The following ABCD4 variants were observed in gnomAD, a reference collection of about 807,000 sequenced individuals.
ABCD4 encodes the protein ATP binding cassette subfamily D member 4.
In ABCD4, 53 loss-of-function variants were observed where a neutral mutation model predicts 86.3. That is an observed-to-expected ratio of 0.61 (90% CI 0.49 to 0.77). The LOEUF (loss-of-function observed/expected upper bound fraction) is 0.77. Ranked by LOEUF, ABCD4 falls within the 30% of genes least tolerant of loss-of-function variation. ABCD4 has a pLI of 0.00. For missense variants in ABCD4, 757 were observed against 764.5 expected, an observed-to-expected ratio of 0.99 and a Z score of 0.12; for synonymous variants, 328 against 313.6, an observed-to-expected ratio of 1.05 and a Z score of -0.49.
chr14:74,290,112 A>G lies in ABCD4; in HGVS notation c.1334T>C (p.Val445Ala), dbSNP rs765071443. ...GGLWTSTRGS[V>A]QMLTDFGPHG... Reference sequence around the variant, plus strand: ...GGGCCCAAAGTCCGTCAGCATCTGCACTGAGCCTGCAGAGCCCACAGAAAC... The same window carrying G: ...GGGCCCAAAGTCCGTCAGCATCTGCGCTGAGCCTGCAGAGCCCACAGAAAC... The change falls in exon 13 of 19, where the codon GTG becomes GCG. Residue 445 changes from valine (V) to alanine (A), a missense_variant. Transcript: ENST00000356924. 6.2e-7 allele frequency: 1 copy of G among 1,614,156 alleles called. No homozygotes were observed. The highest frequency in any genetic ancestry group is 2.2e-5 in the East Asian group (1 of 44,876).
chr14:74,290,220 A>T, intron 12 of ABCD4, 71 bp downstream of exon 12: 6 of 1,611,360 alleles, frequency 3.7e-6, no homozygotes, highest in Non-Finnish European at 4.2e-6. Flanking sequence ...GGATTCTACC[A>T]CACCGTCCCC....
At chr14:74,297,695 G>A in intron 4 of ABCD4, 1 of 1,213,996 alleles carries the variant, frequency 8.2e-7, no homozygotes, top group Non-Finnish European at 1.0e-6. Flanking sequence ...GAGTTGTTGG[G>A]ACTACAGGTG....
chr14:74,293,258 A>G lies in ABCD4; in HGVS notation c.720-10T>C, dbSNP rs1306047111. 6.2e-7 allele frequency: 1 copy of G among 1,613,708 alleles called. No homozygotes were observed. The highest frequency in any genetic ancestry group is 8.5e-7 in the Non-Finnish European group (1 of 1,179,808). On this transcript the variant is annotated splice_polypyrimidine_tract_variant and intron_variant, in intron 7 of 18. Transcript: ENST00000356924. ...CTCCACATGCCCAGCTCTGACAAGG[A>G]AAGGCTGGGATGTCCACAGGGCTGG... is the stretch of plus-strand genomic sequence containing the variant.
chr14:74,292,466 T>C (rs1008495178), intron 10 of ABCD4, 85 bp downstream of exon 10: 18 of 1,588,104 alleles, frequency 1.1e-5, no homozygotes, highest in Non-Finnish European at 1.6e-5. Context: ...GTACATGGTA[T>C]GTCTCTGTTC....
At chr14:74,296,260 T>G in intron 5 of ABCD4, 73 bp downstream of exon 5, 2 of 1,462,564 alleles carry the variant, frequency 1.4e-6, no homozygotes, top group Non-Finnish European at 1.9e-6. Flanking sequence ...AAGCTTCTCT[T>G]GGACCTTGAC....
intron 1 of ABCD4, among the ~76,000 whole-genome samples, chr14:74,300,860 C>T (rs1277709133): frequency 2.6e-5 from 4 of 151,942 alleles, no homozygotes; most frequent in Non-Finnish European, 4.4e-5. Flanking sequence ...GACTTGAAAT[C>T]TTTATTTTTT....
intron 1 of ABCD4, among the ~76,000 whole-genome samples, chr14:74,301,694 G>A (rs2084585317): frequency 6.7e-6 from 1 of 149,112 alleles, no homozygotes; most frequent in African/African-American, 2.5e-5. Flanking sequence ...ATCACCTGAG[G>A]TCAGGAGTTC....
chr14:74,302,436 C>G (rs2084883437), intron 1 of ABCD4, among the ~76,000 whole-genome samples: 1 of 152,140 alleles, frequency 6.6e-6, no homozygotes. Context: ...CGTAAAGCCA[C>G]TTATATAACA....
chr14:74,301,190 T>G (rs1382401804), intron 1 of ABCD4, among the ~76,000 whole-genome samples: 1 of 148,766 alleles, frequency 6.7e-6, no homozygotes, highest in Non-Finnish European at 1.5e-5. Context: ...GACAAGGTCT[T>G]GCTCTGTTGC....
At chr14:74,287,761 G>GT (rs1201105639) in intron 17 of ABCD4, 49 bp downstream of exon 17, 107 of 1,530,822 alleles carry the variant, frequency 7.0e-5, no homozygotes, top group Non-Finnish European at 8.8e-5. Flanking sequence ...TGCTACACCC[G>GT]TGAGTGCAGA....
At position 74,287,674 on chromosome 14, in the gene ABCD4, C is replaced by A. The variant is rs2080184343; in HGVS notation, c.1636+136G>T. 23 of 781,354 alleles carry A rather than the reference C, an allele frequency of 2.9e-5. No individual in the cohort carries two copies. In the South Asian group the frequency reaches 3.4e-4, roughly 12 times the overall value. The allele number at this position is 781,354 out of a possible 1,614,324, so 48.4% of individuals were successfully genotyped here. A position where few individuals can be genotyped will look rare whatever the true frequency, so the allele number is the denominator to read the frequency against. On this transcript the variant is annotated intron_variant, in intron 17 of 18. Coordinates refer to ENST00000356924, the MANE Select transcript of ABCD4 (RefSeq NM_005050.4). ...CCAGGCACTGTTTACACGGGCAGGGCCTGCTGTCCTCTCCAGCAGGGAATG... is the reference window on the plus strand; with the variant it reads ...CCAGGCACTGTTTACACGGGCAGGGACTGCTGTCCTCTCCAGCAGGGAATG...
Position 74,290,292 on chromosome 14 carries a change from C to T in ABCD4, c.1326G>A (p.Arg442=). 1 of 1,614,202 alleles carries T rather than the reference C, an allele frequency of 6.2e-7. No homozygotes were observed. ...RVLGGLWTST[R]GSVQMLTDFG... is the part of the protein sequence containing the mutation. The stretch of plus-strand genomic sequence containing the variant: ...AGGCAGGGAGGGCCTGGCTCTCACC[C>T]CGTGTACTCGTCCAGAGGCCACCCA... Residue 442 remains arginine, a splice_region_variant and synonymous_variant, in exon 12 of 19, where the codon CGG becomes CGA. Coordinates refer to ENST00000356924, the MANE Select transcript of ABCD4 (RefSeq NM_005050.4).
At chr14:74,297,787 C>T in intron 4 of ABCD4, 143 bp downstream of exon 4, 1 of 1,410,938 alleles carries the variant, frequency 7.1e-7, no homozygotes. Flanking sequence ...CTCTGCAGGG[C>T]ACCCTCCCCC....
Position 74,300,609 on chromosome 14 carries a change from A to C in ABCD4, c.39-341T>G, listed in dbSNP as rs1349222906. Among the ~76,000 whole-genome samples the C allele has an allele frequency of 4.0e-5, 6 of 151,416 alleles. No individual in the cohort carries two copies. In the East Asian group the frequency reaches 5.8e-4, roughly 15 times the overall value. ...ACTCCGTCTCAAAAAAAAAAAAAAA[A>C]CCAAAAACAAAAAACTTAAAAAATT... On this transcript the variant is annotated intron_variant, in intron 1 of 18. Transcript: ENST00000356924.
At chr14:74,286,551 T>C in intron 18 of ABCD4, 22 bp from the exon 19 acceptor site, 2 of 1,614,210 alleles carry the variant, frequency 1.2e-6, no homozygotes, top group Admixed American at 1.7e-5. Context: ...CACCACCACA[T>C]GGAGATCAGG....
In ABCD4 at chr14:74,292,866, C is replaced by T. The variant is rs1382699064; in HGVS notation, c.818G>A (p.Gly273Asp). 4 of 1,614,034 alleles carry T rather than the reference C, an allele frequency of 2.5e-6. No homozygotes were observed. The South Asian group carries it at 4.4e-5, about 18-fold the overall frequency. The change falls in exon 9 of 19, where the codon GGC becomes GAC. Residue 273 changes from glycine (G) to aspartate (D), a missense_variant. By Grantham distance (94) the Gly-to-Asp change is moderately conservative. Transcript: ENST00000356924. Reference sequence around the variant, plus strand: ...GCCCAGATAGTCAAAGGTGTTGATGCCGACTGTAGAAAACACATCTGTGAG... The same window carrying T: ...GCCCAGATAGTCAAAGGTGTTGATGTCGACTGTAGAAAACACATCTGTGAG... ...LMSKELWLYI[G>D]INTFDYLGSI...
At chr14:74,299,196 C>T (rs748335947) in intron 3 of ABCD4, 14 of 218,698 alleles carry the variant, frequency 6.4e-5, no homozygotes, top group Non-Finnish European at 9.1e-5. Flanking sequence ...GTCACAGCCT[C>T]GGTCCCGCAG....
Position 74,302,905 on chromosome 14 carries a change from A to AC in ABCD4, c.7dup (p.Val3GlyfsTer78). 1 of 1,607,432 alleles carries AC rather than the reference A, an allele frequency of 6.2e-7. No homozygotes were observed. Among genetic ancestry groups the AC allele is most frequent in the East Asian group, 2.3e-5 (1 of 44,066 alleles). On this transcript the variant is annotated frameshift_variant, in exon 1 of 19. Transcript: ENST00000356924. LOFTEE classifies it high-confidence loss of function. ...GCCAGCTCCGGGCGCGGGCCCCGCG[A>AC]CCGCCATGACCTGAGACCCGAGGGA...
At chr14:74,298,974 T>C (rs935978983) in intron 3 of ABCD4, 3 of 155,286 alleles carry the variant, frequency 1.9e-5, no homozygotes, top group African/African-American at 7.2e-5. Context: ...CGAGGTAAAC[T>C]CAAGGAATTC....
Sources: allele counts gnomAD v4.1 joint callset (sites outside exome capture counted in the v4.1 genomes callset), GRCh38; gene constraint gnomAD v4.1.1; transcripts MANE v1.5; gene names NCBI Gene and HGNC (gene_info 2026-07-23, HGNC 2026-07-21).